SRGAP3: variants seen among roughly 807,000 people sequenced by gnomAD.
SRGAP3 encodes the protein SLIT-ROBO Rho GTPase-activating protein 3.
Under a neutral mutation model 121.1 loss-of-function variants are expected in SRGAP3, and 39 were observed. The observed-to-expected ratio is 0.32, with a 90% CI of 0.25 to 0.42. The LOEUF is 0.42. SRGAP3 is among the 10% of genes least tolerant of loss of function. The pLI, the probability that SRGAP3 is intolerant of heterozygous loss-of-function variation, is 1.00. For synonymous variants in SRGAP3, 601 were observed against 570.0 expected (o/e 1.05, Z -0.77); for missense variants, 1,213 against 1,470.6 (o/e 0.82, Z 2.86).
At chr3:9,262,852 A>G (rs951389074) in intron 3 of SRGAP3, among the ~76,000 whole-genome samples, 2 of 152,230 alleles carry the variant, frequency 1.3e-5, no homozygotes, top group South Asian at 2.1e-4. Context: ...ACTTGAACTC[A>G]GCTTTGGACC....
intron 1 of SRGAP3, among the ~76,000 whole-genome samples, chr3:9,194,629 T>C (rs1414679259): frequency 6.6e-6 from 1 of 152,340 alleles, no homozygotes; most frequent in Non-Finnish European, 1.5e-5. Flanking sequence ...TCTGATCCCC[T>C]ATTTTCATGG....
intron 1 of SRGAP3, among the ~76,000 whole-genome samples, chr3:9,149,213 C>CAA (rs548286364): frequency 1.1e-4 from 6 of 56,576 alleles, no homozygotes; most frequent in East Asian, 9.7e-4. Flanking sequence ...GACTCCGTCT[C>CAA]AAAAAAAAAA....
intron 1 of SRGAP3, chr3:9,216,990 G>C (rs1952658033): frequency 6.6e-6 from 1 of 152,054 alleles, no homozygotes; most frequent in South Asian, 2.1e-4. Context: ...AAGTAGACTG[G>C]TGATTGCCAG....
At chr3:9,346,717 G>C (rs1459046898) in intron 1 of SRGAP3, among the ~76,000 whole-genome samples, 4 of 151,570 alleles carry the variant, frequency 2.6e-5, no homozygotes, top group African/African-American at 9.7e-5. Context: ...TGTTTCAAGG[G>C]AGGAACAAGA....
chr3:9,286,577 A>G (rs979855544), intron 3 of SRGAP3, among the ~76,000 whole-genome samples: 1 of 152,124 alleles, frequency 6.6e-6, no homozygotes, highest in Non-Finnish European at 1.5e-5. Flanking sequence ...AACTTTAGTC[A>G]CTTTATTTAT....
chr3:9,211,134 T>C (rs1218588227), intron 1 of SRGAP3, among the ~76,000 whole-genome samples: 4 of 152,156 alleles, frequency 2.6e-5, no homozygotes, highest in Admixed American at 1.3e-4. Flanking sequence ...TAGTAAGGTG[T>C]TGAGGGGGGA....
chr3:9,006,761 C>T (rs1437857468), intron 18 of SRGAP3, among the ~76,000 whole-genome samples: 2 of 152,090 alleles, frequency 1.3e-5, no homozygotes, highest in Admixed American at 1.3e-4. Context: ...ATCTAATAAT[C>T]TTGTTTCTCA....
chr3:8,985,269 T>C lies in SRGAP3; in HGVS notation c.*250A>G. 2 of 710,484 alleles carry C rather than the reference T, an allele frequency of 2.8e-6. No homozygotes were observed. Among genetic ancestry groups the C allele is most frequent in the Non-Finnish European group, 2.2e-6 (1 of 456,986 alleles). 44.0% of individuals were successfully genotyped at this position (710,484 alleles called of 1,614,324 possible). A position where few individuals can be genotyped will look rare whatever the true frequency, so the allele number is the denominator to read the frequency against. ...ATTTTGCCTCCATGTTAGGGAATGC[T>C]GTGGTTGGGGCTGCTGGAGCTCCAG... On this transcript the variant is annotated 3_prime_UTR_variant, in exon 22 of 22. Transcript: ENST00000383836. The surrounding 1 kb of genome is among the most constrained non-coding windows in gnomAD (Gnocchi z 5.1).
intron 3 of SRGAP3, among the ~76,000 whole-genome samples, chr3:9,305,539 C>T (rs1955144893): frequency 6.6e-6 from 1 of 151,934 alleles, no homozygotes; most frequent in African/African-American, 2.4e-5. Context: ...AGATATTTCT[C>T]CTAATGCTAT....
chr3:9,033,262 C>T (rs922974616), intron 11 of SRGAP3, among the ~76,000 whole-genome samples: 1 of 152,210 alleles, frequency 6.6e-6, no homozygotes, highest in Non-Finnish European at 1.5e-5. Context: ...CTGATCTTTA[C>T]TTCATTGATC....
chr3:9,339,113 T>C (rs1955739061), intron 1 of SRGAP3, among the ~76,000 whole-genome samples: 1 of 152,246 alleles, frequency 6.6e-6, no homozygotes, highest in South Asian at 2.1e-4. Flanking sequence ...CAGTCCCATA[T>C]TTGAATCCTG....
rs146412860 is a variant in SRGAP3 at position 9,013,795 on chromosome 3, C to T, written c.1861G>A (p.Val621Ile). The change falls in exon 16 of 22, where the codon GTC becomes ATC. Residue 621 changes from valine (V) to isoleucine (I), a missense_variant. Physicochemically the swap from Val to Ile is conservative, Grantham distance 29 (BLOSUM62 3). Around this residue, in one of 2 missense-constraint regions of SRGAP3, gnomAD observed 793 missense variants for 1,032.9 expected, o/e 0.77. Coordinates refer to ENST00000383836, the MANE Select transcript of SRGAP3 (RefSeq NM_014850.4). ...ACAATGACCACGCGGGGAAGGGTGA[C>T]GAGGATTTGTTGGATCTGGTGCACC... ...ERVHQIQQIL[V>I]TLPRVVIVVM... 4.4e-5 allele frequency: 71 copies of T among 1,614,028 alleles called. No individual in the cohort carries two copies. In the African/African-American group the frequency reaches 6.3e-4, roughly 14 times the overall value.
intron 4 of SRGAP3, among the ~76,000 whole-genome samples, chr3:9,069,884 T>C (rs1354252007): frequency 6.6e-5 from 10 of 151,996 alleles, no homozygotes; most frequent in African/African-American, 2.4e-4. Context: ...GAGGCAGAGG[T>C]TGCAGTGAGC....
chr3:9,342,363 A>T (rs1955802079), intron 1 of SRGAP3, among the ~76,000 whole-genome samples: 1 of 147,288 alleles, frequency 6.8e-6, no homozygotes, highest in African/African-American at 2.5e-5. Context: ...AAAAAAAAAA[A>T]GGAAAGCAAA....
intron 1 of SRGAP3, among the ~76,000 whole-genome samples, chr3:9,236,704 C>T (rs942019814): frequency 1.3e-5 from 2 of 152,114 alleles, no homozygotes; most frequent in African/African-American, 2.4e-5. Context: ...TCATGCTTCC[C>T]GTACAGCCTG....
intron 10 of SRGAP3, among the ~76,000 whole-genome samples, chr3:9,044,264 A>T (rs1370970702): frequency 6.6e-6 from 1 of 152,208 alleles, no homozygotes; most frequent in Admixed American, 6.5e-5. Context: ...CCCCCAGTGG[A>T]TGCCTGAAAC....
chr3:9,056,082 T>G, intron 8 of SRGAP3, 151 bp downstream of exon 8: 1 of 701,686 alleles, frequency 1.4e-6, no homozygotes, highest in Non-Finnish European at 2.5e-6. Flanking sequence ...CTATTAATGA[T>G]TCTTGGTGTG....
At chr3:9,092,286 C>T (rs561668934) in intron 3 of SRGAP3, among the ~76,000 whole-genome samples, 2 of 152,156 alleles carry the variant, frequency 1.3e-5, no homozygotes, top group East Asian at 3.9e-4. Context: ...TGGATCTCTA[C>T]GGATAATACT....
rs187653613 is a variant in SRGAP3, at chr3:9,248,812, C to T, written c.67+73G>A. Reference sequence around the variant, plus strand: ...TGGCAGAGAGGAAAACGGGGGGCAGCGGGGGATGGGAACCAGAACAAGAGA... The same window carrying T: ...TGGCAGAGAGGAAAACGGGGGGCAGTGGGGGATGGGAACCAGAACAAGAGA... On this transcript the variant is annotated intron_variant, in intron 1 of 21. Transcript: ENST00000383836. 22 of 1,467,054 alleles carry T rather than the reference C, an allele frequency of 1.5e-5. 1 individual carries two copies. In the Middle Eastern group the frequency reaches 5.2e-4, roughly 34 times the overall value. 90.9% of individuals were successfully genotyped at this position (1,467,054 alleles called of 1,614,324 possible).
Sources: gnomAD v4.1 joint callset for allele counts (sites outside exome capture counted in the v4.1 genomes callset) on GRCh38, gnomAD v4.1.1 for gene constraint, gnomAD v4.1.1 regional missense constraint, Gnocchi (gnomAD v3.1) non-coding constraint, MANE v1.5 for transcripts, NCBI Gene and HGNC (gene_info 2026-07-23, HGNC 2026-07-21) for gene names.